Variants in MCM9 observed in about 807,000 individuals in gnomAD.
MCM9 encodes minichromosome maintenance 9 homologous recombination repair factor.
Under a neutral mutation model 72.8 loss-of-function variants are expected in MCM9, and 55 were observed. That is an observed-to-expected ratio of 0.76 (90% CI 0.61 to 0.95). MCM9 has a LOEUF of 0.95. Among genes scored for constraint, MCM9 ranks in the 40% least tolerant of loss-of-function variants. MCM9 has a pLI of 0.00. For synonymous variants in MCM9, 480 were observed against 503.4 expected (o/e 0.95, Z 0.62); for missense variants, 1,279 against 1,377.0 (o/e 0.93, Z 1.13).
chr6:118,902,528 C>CT (rs33980013), intron 8 of MCM9, among the ~76,000 whole-genome samples: 99,958 of 131,440 alleles, frequency 0.76, 38,303 homozygotes, highest in East Asian at 0.91. Flanking sequence ...ACTGATAATA[C>CT]TTTTTTTTTT....
chr6:118,911,844 T>C (rs1357721079), intron 7 of MCM9, 75 bp from the exon 8 acceptor site: 7 of 1,118,576 alleles, frequency 6.3e-6, no homozygotes, highest in East Asian at 2.4e-5. Flanking sequence ...AAATATTACA[T>C]AGTGTTTTTA....
At chr6:118,902,771 T>A (rs1779893122) in intron 8 of MCM9, among the ~76,000 whole-genome samples, 1 of 152,214 alleles carries the variant, frequency 6.6e-6, no homozygotes, top group Non-Finnish European at 1.5e-5. Context: ...ATATTCAGCC[T>A]AAAGGTTTTA....
chr6:118,827,802 T>C, intron 11 of MCM9, 125 bp downstream of exon 11: 1 of 857,608 alleles, frequency 1.2e-6, no homozygotes, highest in Non-Finnish European at 1.8e-6. Context: ...CCTTTATTTT[T>C]AAGTGACTAT....
chr6:118,875,109 G>A (rs994801162), intron 8 of MCM9, among the ~76,000 whole-genome samples: 1 of 151,930 alleles, frequency 6.6e-6, no homozygotes, highest in East Asian at 1.9e-4. Flanking sequence ...GTGAAACTCC[G>A]TTTCAAAAAC....
Position 118,814,844 on chromosome 6 carries a change from C to T in MCM9, c.3412G>A (p.Glu1138Lys), listed in dbSNP as rs1159208899. The T allele has an allele frequency of 6.6e-7, 1 of 1,512,756 alleles. No homozygotes were observed. The highest frequency in any genetic ancestry group is 8.9e-7 in the Non-Finnish European group (1 of 1,129,406). 93.7% of individuals were successfully genotyped at this position (1,512,756 alleles called of 1,614,324 possible). A position where few individuals can be genotyped will look rare whatever the true frequency, so the allele number is the denominator to read the frequency against. Reference sequence around the variant, plus strand: ...CCCAACTATGACTTTTTTCTCATCTCTTCATCCCAGTCACAATCAAATGCT... The same window carrying T: ...CCCAACTATGACTTTTTTCTCATCTTTTCATCCCAGTCACAATCAAATGCT... ...DEAFDCDWDE[E>K]MRKKS Residue 1138 changes from glutamate (E) to lysine (K), a missense_variant, in exon 14 of 14, where the codon GAG becomes AAG. Transcript: ENST00000619706.
chr6:118,911,472 C>T (rs1261142066), intron 8 of MCM9, 178 bp downstream of exon 8: 1 of 1,311,460 alleles, frequency 7.6e-7, no homozygotes, highest in South Asian at 2.4e-5. Context: ...GAAGGTGGAG[C>T]TTGCAAGATA....
chr6:118,842,402 C>T (rs976250815), intron 9 of MCM9, among the ~76,000 whole-genome samples: 1 of 152,180 alleles, frequency 6.6e-6, no homozygotes, highest in Admixed American at 6.5e-5. Context: ...AGCCTTAAAG[C>T]TCATCATCAT....
chr6:118,894,446 G>A (rs1779202302), intron 8 of MCM9: 9 of 1,537,032 alleles, frequency 5.9e-6, no homozygotes, highest in Non-Finnish European at 7.8e-6. Flanking sequence ...ATGTAGTGGT[G>A]CTGGATAACC....
At chr6:118,854,143 A>G (rs889802117) in intron 9 of MCM9, among the ~76,000 whole-genome samples, 4 of 152,208 alleles carry the variant, frequency 2.6e-5, no homozygotes, top group Admixed American at 2.0e-4. Context: ...TTGTTTTTCT[A>G]TGTAGACAAT....
intron 8 of MCM9, among the ~76,000 whole-genome samples, chr6:118,890,549 C>T (rs1778875758): frequency 6.6e-6 from 1 of 152,216 alleles, no homozygotes; most frequent in Non-Finnish European, 1.5e-5. Context: ...ACCTTTCCTA[C>T]TGAACCATAA....
At chr6:118,826,987 T>G in intron 11 of MCM9, 123 bp from the exon 12 acceptor site, 1 of 754,176 alleles carries the variant, frequency 1.3e-6, no homozygotes, top group South Asian at 1.8e-5. Context: ...ATAATTTTAC[T>G]AGAACAAGCA....
At chr6:118,822,740 C>G (rs974169112) in intron 13 of MCM9, among the ~76,000 whole-genome samples, 33 of 152,322 alleles carry the variant, frequency 2.2e-4, no homozygotes, top group African/African-American at 7.0e-4. Context: ...CCCCTTCCCC[C>G]AGGTGCTCTG....
intron 13 of MCM9, among the ~76,000 whole-genome samples, chr6:118,822,569 T>C (rs1395809614): frequency 6.6e-6 from 1 of 152,130 alleles, no homozygotes; most frequent in Non-Finnish European, 1.5e-5. Flanking sequence ...TGCTGGGTGG[T>C]CTCTCTCAGT....
chr6:118,875,627 C>T (rs533201218), intron 8 of MCM9, among the ~76,000 whole-genome samples: 1 of 146,380 alleles, frequency 6.8e-6, no homozygotes, highest in Non-Finnish European at 1.5e-5. Flanking sequence ...CAGAGTGAGA[C>T]CCTGTCTCAA....
intron 8 of MCM9, among the ~76,000 whole-genome samples, chr6:118,909,986 G>A (rs907813444): frequency 2.0e-5 from 3 of 151,700 alleles, no homozygotes; most frequent in South Asian, 2.1e-4. Context: ...GTGCGGTGGT[G>A]CACATCTGTA....
chr6:118,872,826 T>C (rs775391745), intron 8 of MCM9, among the ~76,000 whole-genome samples: 5 of 149,540 alleles, frequency 3.3e-5, no homozygotes, highest in African/African-American at 9.8e-5. Flanking sequence ...CCAAATGAAA[T>C]ACAAAGTAAG....
intron 8 of MCM9, among the ~76,000 whole-genome samples, chr6:118,905,386 C>T (rs1780110859): frequency 6.6e-6 from 1 of 152,126 alleles, no homozygotes; most frequent in East Asian, 1.9e-4. Flanking sequence ...AACCACCATG[C>T]AGTGTAGCCA....
intron 8 of MCM9, among the ~76,000 whole-genome samples, chr6:118,890,251 T>C (rs1562424773): frequency 6.6e-6 from 1 of 152,144 alleles, no homozygotes; most frequent in Non-Finnish European, 1.5e-5. Flanking sequence ...TACCAATCTA[T>C]TTTTTCTACA....
At chr6:118,884,279 T>A (rs746798296) in intron 8 of MCM9, among the ~76,000 whole-genome samples, 1 of 152,196 alleles carries the variant, frequency 6.6e-6, no homozygotes, top group Non-Finnish European at 1.5e-5. Flanking sequence ...AGATGAAATA[T>A]GTGTAACAAT....
Sources: allele counts gnomAD v4.1 joint callset (sites outside exome capture counted in the v4.1 genomes callset), GRCh38; gene constraint gnomAD v4.1.1; transcripts MANE v1.5; gene names NCBI Gene and HGNC (gene_info 2026-07-23, HGNC 2026-07-21).